PCM1: variants seen among roughly 807,000 people sequenced by gnomAD.
PCM1 encodes pericentriolar material 1.
Under a neutral mutation model 241.9 loss-of-function variants are expected in PCM1, and 157 were observed. The observed-to-expected ratio is 0.65, with a 90% CI of 0.57 to 0.74. The LOEUF is 0.74. Among genes scored for constraint, PCM1 ranks in the 30% least tolerant of loss-of-function variants. The probability of loss-of-function intolerance (pLI) is 0.00; values close to 1 mark genes in which losing one functional copy is unlikely to be tolerated. For synonymous variants in PCM1, 1,085 were observed against 784.9 expected (o/e 1.38, Z -6.39); for missense variants, 3,478 against 2,360.1 (o/e 1.47, Z -9.81).
Position 17,980,691 on chromosome 8 carries a change from C to T in PCM1, c.4044C>T (p.Ser1348=). The change falls in exon 24 of 39, where the codon AGC becomes AGT. Residue 1348 remains serine, a synonymous_variant. Transcript: ENST00000325083. ...TEEPVQAKVF[S]RKNHEQLEKI... is the part of the protein sequence containing the mutation. The stretch of plus-strand genomic sequence containing the variant: ...AGCCTGTTCAAGCAAAAGTATTCAG[C>T]AGAAAGAATCATGAGCAACTGGAAA... 3.7e-6 allele frequency: 6 copies of T among 1,612,610 alleles called. No individual in the cohort carries two copies. The highest frequency in any genetic ancestry group is 5.1e-6 in the Non-Finnish European group (6 of 1,179,050).
chr8:18,027,327 C>G (rs2094307874), intron 38 of PCM1, among the ~76,000 whole-genome samples: 1 of 152,092 alleles, frequency 6.6e-6, no homozygotes, highest in Non-Finnish European at 1.5e-5. Flanking sequence ...TGTTGATATC[C>G]CCTCTTCTGT....
intron 28 of PCM1, among the ~76,000 whole-genome samples, chr8:17,993,176 A>T (rs1263518118): frequency 2.6e-5 from 4 of 151,982 alleles, no homozygotes; most frequent in African/African-American, 9.7e-5. Context: ...GCCAGTGTCT[A>T]TAAGGGTGTC....
At chr8:17,964,529 C>T (rs1413654273) in intron 17 of PCM1, 39 bp from the exon 18 acceptor site, 1 of 1,512,440 alleles carries the variant, frequency 6.6e-7, no homozygotes, top group South Asian at 1.2e-5. Flanking sequence ...TTTAACTTAT[C>T]TCCAGAATGA....
intron 1 of PCM1, among the ~76,000 whole-genome samples, 176 bp downstream of exon 1, chr8:17,923,364 C>G (rs1000553600): frequency 6.6e-6 from 1 of 152,202 alleles, no homozygotes; most frequent in African/African-American, 2.4e-5. Flanking sequence ...GTCAGTCCGC[C>G]CGCTCCCTCA....
At chr8:17,981,873 T>C (rs2080951569) in intron 24 of PCM1, among the ~76,000 whole-genome samples, 2 of 150,004 alleles carry the variant, frequency 1.3e-5, no homozygotes, top group African/African-American at 5.0e-5. Context: ...GTAATTGTAC[T>C]TGTAGTAATC....
At chr8:17,931,146 T>C (rs1046332265) in intron 2 of PCM1, among the ~76,000 whole-genome samples, 1 of 152,208 alleles carries the variant, frequency 6.6e-6, no homozygotes, top group African/African-American at 2.4e-5. Context: ...AATTAGAGTG[T>C]ACAGTTTTAA....
rs2064185461 is a variant in PCM1, at chr8:17,947,256, G to T, written c.854G>T (p.Arg285Ile). ...AAGAAACAACATGATTTATTAAAAAGAATGTTACAACAGCAGGAGCAACTA... is the reference window on the plus strand; with the variant it reads ...AAGAAACAACATGATTTATTAAAAATAATGTTACAACAGCAGGAGCAACTA... ...NLKKQHDLLKRMLQQQEQLRA... is the reference protein window; with the variant it reads ...NLKKQHDLLKIMLQQQEQLRA... The change falls in exon 7 of 39, where the codon AGA (arginine) becomes ATA (isoleucine). Residue 285 changes from arginine to isoleucine, a missense_variant. Physicochemically the swap from Arg to Ile is moderately conservative, Grantham distance 97. Coordinates refer to ENST00000325083, the MANE Select transcript of PCM1 (RefSeq NM_006197.4). 1 of 1,609,224 alleles carries T rather than the reference G, an allele frequency of 6.2e-7. No individual in the cohort carries two copies. Among genetic ancestry groups the T allele is most frequent in the Non-Finnish European group, 8.5e-7 (1 of 1,175,990 alleles).
At chr8:17,937,064 T>G in intron 3 of PCM1, 70 bp from the exon 4 acceptor site, 15 of 1,254,452 alleles carry the variant, frequency 1.2e-5, no homozygotes, top group Non-Finnish European at 1.5e-5. Context: ...ACCAAAACTT[T>G]TTAATTATAC....
intron 2 of PCM1, among the ~76,000 whole-genome samples, chr8:17,933,664 A>T (rs1409054864): frequency 2.6e-5 from 4 of 152,194 alleles, no homozygotes; most frequent in African/African-American, 4.8e-5. Flanking sequence ...TATATTTGTC[A>T]CTATTATAAG....
At chr8:17,975,398 G>C (rs1770721947) in intron 23 of PCM1, among the ~76,000 whole-genome samples, 1 of 152,118 alleles carries the variant, frequency 6.6e-6, no homozygotes, top group African/African-American at 2.4e-5. Context: ...CCCGATCTCA[G>C]GTGATCCACC....
chr8:17,980,473 ACCAGG>A, intron 23 of PCM1, 113 bp from the exon 24 acceptor site: 1 of 717,758 alleles, frequency 1.4e-6, no homozygotes, highest in South Asian at 2.3e-5. Context: ...TTCTATTTAT[ACCAGG>A]CCTTCCTAGC....
At chr8:17,941,959 G>T (rs2062206814) in intron 6 of PCM1, among the ~76,000 whole-genome samples, 1 of 151,698 alleles carries the variant, frequency 6.6e-6, no homozygotes, top group African/African-American at 2.4e-5. Context: ...TAATATAGTT[G>T]TCATACTGTA....
At chr8:17,967,720 A>T (rs776009299) in intron 21 of PCM1, among the ~76,000 whole-genome samples, 6 of 152,248 alleles carry the variant, frequency 3.9e-5, no homozygotes, top group African/African-American at 1.4e-4. Flanking sequence ...AACCTGTTCA[A>T]TGGCTGCTGT....
At position 17,966,904 on chromosome 8, in the gene PCM1, A is replaced by G; in HGVS notation, c.3222-76A>G. On this transcript the variant is annotated intron_variant, in intron 20 of 38. Transcript: ENST00000325083. The stretch of plus-strand genomic sequence containing the variant: ...GCATGCTTTTGAATCATTTTTTTAC[A>G]TGTATTCTTCCTGAATGTACTTTAT... The G allele has an allele frequency of 8.4e-6, 11 of 1,312,842 alleles. 1 individual carries two copies. In the South Asian group the frequency reaches 1.2e-4, roughly 15 times the overall value. The allele number at this position is 1,312,842 out of a possible 1,614,324, so 81.3% of individuals were successfully genotyped here.
chr8:17,937,143 GC>G lies in PCM1; in HGVS notation c.109del (p.Gln37AsnfsTer18). 1.3e-6 allele frequency: 2 copies of G among 1,561,920 alleles called. No homozygotes were observed. Among genetic ancestry groups the G allele is most frequent in the African/African-American group, 1.4e-5 (1 of 73,680 alleles). On this transcript the variant is annotated frameshift_variant, in exon 4 of 39. Coordinates refer to ENST00000325083, the MANE Select transcript of PCM1 (RefSeq NM_006197.4). LOFTEE classifies it high-confidence loss of function. ...DDRLNNMDWG[A>X]QQKKANRSSE... ...TTTTACTTTTTTAAAGGATTGGGGTGCCCAACAGAAGAAAGCAAATAGATCA... is the reference window on the plus strand; with the variant it reads ...TTTTACTTTTTTAAAGGATTGGGGTGCCAACAGAAGAAAGCAAATAGATCA...
intron 29 of PCM1, among the ~76,000 whole-genome samples, chr8:17,997,055 GTATT>G (rs1410849424): frequency 6.6e-6 from 1 of 152,008 alleles, no homozygotes; most frequent in Non-Finnish European, 1.5e-5. Flanking sequence ...TGGAAATAAA[GTATT>G]TAGTATTTCT....
chr8:18,020,498 T>C (rs1206142569), intron 36 of PCM1, among the ~76,000 whole-genome samples: 1 of 152,172 alleles, frequency 6.6e-6, no homozygotes, highest in Non-Finnish European at 1.5e-5. Context: ...CCCTACCACT[T>C]TGCTGCCTCT....
chr8:17,974,218 T>C (rs1767190121), intron 23 of PCM1, among the ~76,000 whole-genome samples: 1 of 152,216 alleles, frequency 6.6e-6, no homozygotes, highest in Non-Finnish European at 1.5e-5. Context: ...ACTGCGCTTT[T>C]CCAAGATTAC....
chr8:17,961,666 C>A (rs1475272523), intron 15 of PCM1, among the ~76,000 whole-genome samples: 1 of 152,136 alleles, frequency 6.6e-6, no homozygotes, highest in Non-Finnish European at 1.5e-5. Flanking sequence ...GAAAACAGGG[C>A]AACTGTGTTC....
Sources: allele counts gnomAD v4.1 joint callset (sites outside exome capture counted in the v4.1 genomes callset), GRCh38; gene constraint gnomAD v4.1.1; transcripts MANE v1.5; gene names NCBI Gene and HGNC (gene_info 2026-07-23, HGNC 2026-07-21).